The following ZNF862 variants were observed in gnomAD, a reference collection of about 807,000 sequenced individuals.
ZNF862 encodes the protein zinc finger protein 862.
ZNF862 carries 64 observed loss-of-function variants against 91.1 expected under a neutral mutation model. That is an observed-to-expected ratio of 0.70 (90% CI 0.57 to 0.87). The LOEUF is 0.87. Ranked by LOEUF, ZNF862 falls within the 40% of genes least tolerant of loss-of-function variation. The pLI, the probability that ZNF862 is intolerant of heterozygous loss-of-function variation, is 0.00. For missense variants in ZNF862, 1,459 were observed against 1,528.0 expected (o/e 0.95, Z 0.75); for synonymous variants, 631 against 618.1 (o/e 1.02, Z -0.31).
rs1802237394 is a variant in ZNF862 at position 149,855,746 on chromosome 7, C to T, written c.1118-3676C>T. ...AGCCAACCGTCACGGGCAGGCCCCACAGACAACGCCAGGCCTCTTCTCATT... is the reference window on the plus strand; with the variant it reads ...AGCCAACCGTCACGGGCAGGCCCCATAGACAACGCCAGGCCTCTTCTCATT... On this transcript the variant is annotated intron_variant, in intron 5 of 7. Coordinates refer to ENST00000223210, the MANE Select transcript of ZNF862 (RefSeq NM_001099220.3). This position sits in a 1 kb window ranked among gnomAD's most constrained non-coding sequence, Gnocchi z 4.1. 6.6e-6 allele frequency among the ~76,000 whole-genome samples: 1 copy of T among 152,204 alleles called. No homozygotes were observed. Among genetic ancestry groups the T allele is most frequent in the Non-Finnish European group, 1.5e-5 (1 of 68,038 alleles).
chr7:149,860,817 G>A lies in ZNF862; in HGVS notation c.1657G>A (p.Ala553Thr), dbSNP rs771340738. The change falls in exon 7 of 8, where the codon GCC (alanine) becomes ACC (threonine). Residue 553 changes from alanine to threonine, a missense_variant. Physicochemically the swap from Ala to Thr is moderately conservative, Grantham distance 58 (BLOSUM62 0). Coordinates refer to ENST00000223210, the MANE Select transcript of ZNF862 (RefSeq NM_001099220.3). ...LVPEISSDLM[A>T]NMEHFFNAAY... ...TCCAGAGATCTCCAGCGACCTCATG[G>A]CCAACATGGAGCACTTTTTCAATGC... is the stretch of plus-strand genomic sequence containing the variant. 6.2e-7 allele frequency: 1 copy of A among 1,613,726 alleles called. No homozygotes were observed. Among genetic ancestry groups the A allele is most frequent in the Non-Finnish European group, 8.5e-7 (1 of 1,179,878 alleles).
intron 3 of ZNF862, 39 bp downstream of exon 3, chr7:149,846,294 G>A (rs752444391): frequency 2.0e-6 from 3 of 1,532,734 alleles, no homozygotes; most frequent in Non-Finnish European, 2.7e-6. Flanking sequence ...ATGCTTGGCT[G>A]GAGAGGGAGC....
intron 5 of ZNF862, chr7:149,851,938 G>A (rs1323960300): frequency 1.3e-5 from 2 of 152,126 alleles, no homozygotes; most frequent in African/African-American, 2.4e-5. Context: ...GTGAAATTGA[G>A]ACAGGTATGG....
chr7:149,847,561 G>T (rs553157133), intron 3 of ZNF862, among the ~76,000 whole-genome samples, 174 bp from the exon 4 acceptor site: 5 of 151,748 alleles, frequency 3.3e-5, no homozygotes, highest in South Asian at 2.1e-4. Context: ...GGAAGGGCCT[G>T]CAGACTTGGC....
chr7:149,847,745 G>A lies in ZNF862; in HGVS notation c.252G>A (p.Gln84=). The change falls in exon 4 of 8, where the codon CAG becomes CAA. Residue 84 remains glutamine (Q), a synonymous_variant. Coordinates refer to ENST00000223210, the MANE Select transcript of ZNF862 (RefSeq NM_001099220.3). ...GTCTCTTCTCTAAAGGAAAAAAACA[G>A]ATGGGCTACATGGGAGAAATGGAGG... The part of the protein sequence containing the change: ...SLLEHHPGKK[Q]MGYMGEMEVQ... 6.2e-7 allele frequency: 1 copy of A among 1,606,784 alleles called. No individual in the cohort carries two copies. Among genetic ancestry groups the A allele is most frequent in the Non-Finnish European group, 8.5e-7 (1 of 1,177,088 alleles).
Position 149,860,720 on chromosome 7 carries a change from A to G in ZNF862, c.1560A>G (p.Glu520=). The G allele has an allele frequency of 3.7e-6, 6 of 1,613,960 alleles. No homozygotes were observed. The highest frequency in any genetic ancestry group is 5.1e-6 in the Non-Finnish European group (6 of 1,179,908). ...PFKVETLKYH[E]VSKAHRLCVN... The stretch of plus-strand genomic sequence containing the variant: ...AAGTGGAGACTTTAAAATACCATGA[A>G]GTCAGCAAAGCGCACAGGCTCTGTG... The change falls in exon 7 of 8, where the codon GAA becomes GAG. Residue 520 remains glutamate (E), a synonymous_variant. Transcript: ENST00000223210.
chr7:149,853,160 C>T (rs560930596), intron 5 of ZNF862, among the ~76,000 whole-genome samples: 5 of 152,130 alleles, frequency 3.3e-5, no homozygotes, highest in Non-Finnish European at 7.3e-5. Flanking sequence ...CGGGCCCAGG[C>T]GATCCTCCTG....
intron 7 of ZNF862, 99 bp downstream of exon 7, chr7:149,862,593 C>T (rs774233668): frequency 8.6e-5 from 115 of 1,340,236 alleles, no homozygotes; most frequent in Middle Eastern, 2.2e-4. Flanking sequence ...TGTCATGCAC[C>T]CACCCATTTG....
In ZNF862 at chr7:149,850,313, G is replaced by A; in HGVS notation, c.1092G>A (p.Met364Ile). The A allele has an allele frequency of 6.2e-7, 1 of 1,613,072 alleles. No homozygotes were observed. The highest frequency in any genetic ancestry group is 8.5e-7 in the Non-Finnish European group (1 of 1,179,606). ...QKELYRDVMR[M>I]NYELLASLGP... Reference sequence around the variant, plus strand: ...AGCTGTACAGAGACGTGATGCGGATGAACTACGAGCTGTTGGCATCCTTGG... The same window carrying A: ...AGCTGTACAGAGACGTGATGCGGATAAACTACGAGCTGTTGGCATCCTTGG... The change falls in exon 5 of 8, where the codon ATG becomes ATA. Residue 364 changes from methionine to isoleucine, a missense_variant. Physicochemically the swap from Met to Ile is conservative, Grantham distance 10 (BLOSUM62 1). Coordinates refer to ENST00000223210, the MANE Select transcript of ZNF862 (RefSeq NM_001099220.3). This position sits in a 1 kb window ranked among gnomAD's most constrained non-coding sequence, Gnocchi z 4.2.
At position 149,861,347 on chromosome 7, in the gene ZNF862, GCAC is replaced by G. The variant is rs1802488574; in HGVS notation, c.2189_2191del (p.His730del). ...CTGTCCACTGCGTGGCCCACCGGCT[GCAC>G]CTGGCTGTGGTGGACGCCTGCGGGA... On this transcript the variant is annotated inframe_deletion, in exon 7 of 8. Coordinates refer to ENST00000223210, the MANE Select transcript of ZNF862 (RefSeq NM_001099220.3). The surrounding 1 kb of genome is among the most constrained non-coding windows in gnomAD (Gnocchi z 6.7). The G allele has an allele frequency of 6.2e-7, 1 of 1,613,142 alleles. No individual in the cohort carries two copies. The highest frequency in any genetic ancestry group is 8.5e-7 in the Non-Finnish European group (1 of 1,179,900).
In ZNF862 at chr7:149,866,805, A is replaced by G. The variant is rs3823698; in HGVS notation, c.*2521A>G. The G allele has an allele frequency of 0.096, 14,631 of 152,338 alleles. 998 individuals are homozygous for G. The highest frequency in any genetic ancestry group is 0.34 in the East Asian group (1,750 of 5,162). 9.4% of individuals were successfully genotyped at this position (152,338 alleles called of 1,614,324 possible). A position where few individuals can be genotyped will look rare whatever the true frequency, so the allele number is the denominator to read the frequency against. On this transcript the variant is annotated 3_prime_UTR_variant, in exon 8 of 8. Coordinates refer to ENST00000223210, the MANE Select transcript of ZNF862 (RefSeq NM_001099220.3). Reference sequence around the variant, plus strand: ...ATCTTATTCCTGAACTTCCTCATTCAGGACCCCCGTGGAAACACAGTGAGC... The same window carrying G: ...ATCTTATTCCTGAACTTCCTCATTCGGGACCCCCGTGGAAACACAGTGAGC...
chr7:149,855,805 C>T lies in ZNF862; in HGVS notation c.1118-3617C>T, dbSNP rs566649793. On this transcript the variant is annotated intron_variant, in intron 5 of 7. Transcript: ENST00000223210. This position sits in a 1 kb window ranked among gnomAD's most constrained non-coding sequence, Gnocchi z 4.1. ...GGCCCACATCTGAACCATAGAAGCA[C>T]TTCCAGACCCTGTGCTCTCCCAGAC... 1.6e-4 allele frequency among the ~76,000 whole-genome samples: 25 copies of T among 152,348 alleles called. No individual in the cohort carries two copies. In the South Asian group the frequency reaches 4.6e-3, roughly 28 times the overall value.
Position 149,860,459 on chromosome 7 carries a change from T to C in ZNF862, c.1299T>C (p.Ser433=). The change falls in exon 7 of 8, where the codon TCT becomes TCC. Residue 433 remains serine, a synonymous_variant. Coordinates refer to ENST00000223210, the MANE Select transcript of ZNF862 (RefSeq NM_001099220.3). ...SAADSALLPG[S]PVEARASCCS... The stretch of plus-strand genomic sequence containing the variant: ...CAGACTCCGCGTTGCTTCCAGGCTC[T>C]CCCGTGGAGGCCCGTGCCTCCTGCT... 6.2e-7 allele frequency: 1 copy of C among 1,613,910 alleles called. No individual in the cohort carries two copies. The highest frequency in any genetic ancestry group is 8.5e-7 in the Non-Finnish European group (1 of 1,179,878).
intron 5 of ZNF862, chr7:149,852,204 T>C (rs1463685026): frequency 6.6e-6 from 1 of 151,858 alleles, no homozygotes; most frequent in Non-Finnish European, 1.5e-5. Context: ...TATTATTATT[T>C]TTACTTTGGC....
rs1237746968 is a variant in ZNF862, at chr7:149,864,329, C to T, written c.*45C>T. On this transcript the variant is annotated 3_prime_UTR_variant, in exon 8 of 8. Transcript: ENST00000223210. ...ACTGCCTTGGAGACGCCTCTGTGAT[C>T]ACTGGGACAGGCTCTGCAGATTCTA... is the stretch of plus-strand genomic sequence containing the variant. 2 of 1,539,048 alleles carry T rather than the reference C, an allele frequency of 1.3e-6. No individual in the cohort carries two copies. The highest frequency in any genetic ancestry group is 2.0e-5 in the Admixed American group (1 of 50,500).
chr7:149,848,106 G>C lies in ZNF862; in HGVS notation c.613G>C (p.Ala205Pro). 2 of 1,614,070 alleles carry C rather than the reference G, an allele frequency of 1.2e-6. No homozygotes were observed. Among genetic ancestry groups the C allele is most frequent in the Non-Finnish European group, 1.7e-6 (2 of 1,179,910 alleles). Residue 205 changes from alanine to proline, a missense_variant, in exon 4 of 8, where the codon GCC becomes CCC. Transcript: ENST00000223210. ...KSKAHMFCVN[A>P]LAARDPIWAA... ...CAAGGCCCACATGTTCTGTGTCAATGCCTTGGCAGCGAGGGACCCCATCTG... is the reference window on the plus strand; with the variant it reads ...CAAGGCCCACATGTTCTGTGTCAATCCCTTGGCAGCGAGGGACCCCATCTG...
At chr7:149,846,597 T>TGAAG (rs1432548475) in intron 3 of ZNF862, among the ~76,000 whole-genome samples, 30 of 152,116 alleles carry the variant, frequency 2.0e-4, no homozygotes, top group South Asian at 1.0e-3. Context: ...AATCACTGAA[T>TGAAG]GAATGAATGA....
rs979760588 is a variant in ZNF862, at chr7:149,838,529, G to A, written c.-83G>A. ...GGTGCCCTCCCCCTCCGGGAGCCTG[G>A]GTCCCCGGGGCGGTCGCGGCGGCTG... On this transcript the variant is annotated 5_prime_UTR_variant, in exon 1 of 8. Transcript: ENST00000223210. 17 of 993,328 alleles carry A rather than the reference G, an allele frequency of 1.7e-5. No individual in the cohort carries two copies. The highest frequency in any genetic ancestry group is 1.8e-5 in the Non-Finnish European group (14 of 769,832). The allele number at this position is 993,328 out of a possible 1,614,324, so 61.5% of individuals were successfully genotyped here.
rs199682477 is a variant in ZNF862 at position 149,861,543 on chromosome 7, C to T, written c.2383C>T (p.Arg795Cys). The T allele has an allele frequency of 1.1e-4, 180 of 1,602,074 alleles. No homozygotes were observed. The highest frequency in any genetic ancestry group is 6.3e-4 in the Admixed American group (37 of 58,332). ...GGTCCGCTGGGTGGCCAGCAGGAGG[C>T]GCACGCTGCACGCGCTGCTCGTGAG... ...NAVRWVASRR[R>C]TLHALLVSWP... is the part of the protein sequence containing the mutation. Residue 795 changes from arginine (R) to cysteine (C), a missense_variant, in exon 7 of 8, where the codon CGC (arginine) becomes TGC (cysteine). By Grantham distance (180) the Arg-to-Cys change is radical. Coordinates refer to ENST00000223210, the MANE Select transcript of ZNF862 (RefSeq NM_001099220.3). This position sits in a 1 kb window ranked among gnomAD's most constrained non-coding sequence, Gnocchi z 6.7.
Sources: allele counts gnomAD v4.1 joint callset (sites outside exome capture counted in the v4.1 genomes callset), GRCh38; gene constraint gnomAD v4.1.1; non-coding constraint Gnocchi (gnomAD v3.1); transcripts MANE v1.5; gene names NCBI Gene and HGNC (gene_info 2026-07-23, HGNC 2026-07-21).